The following CHL1 variants were observed in gnomAD, a reference collection of about 807,000 sequenced individuals.
CHL1 encodes neural cell adhesion molecule L1-like protein.
CHL1 carries 96 observed loss-of-function variants against 141.9 expected under a neutral mutation model. That is an observed-to-expected ratio of 0.68 (90% CI 0.57 to 0.80). The LOEUF (loss-of-function observed/expected upper bound fraction) is 0.80. CHL1 is among the 30% of genes least tolerant of loss of function. The pLI is 0.00. For missense variants in CHL1, 1,820 were observed against 1,457.2 expected (o/e 1.25, Z -4.05); for synonymous variants, 613 against 502.2 (o/e 1.22, Z -2.95).
intron 10 of CHL1, among the ~76,000 whole-genome samples, chr3:351,035 AT>A (rs1194807266): frequency 6.6e-6 from 1 of 152,056 alleles, no homozygotes; most frequent in Non-Finnish European, 1.5e-5. Context: ...GACATATCTA[AT>A]TGTTAGATTC....
At chr3:205,234 C>T (rs1403474193) in intron 1 of CHL1, among the ~76,000 whole-genome samples, 3 of 151,968 alleles carry the variant, frequency 2.0e-5, no homozygotes, top group Admixed American at 6.6e-5. Context: ...CCTCAGCCTC[C>T]CAAAGTGCTG....
At chr3:359,259 C>T (rs1337267382) in intron 11 of CHL1, among the ~76,000 whole-genome samples, 1 of 151,782 alleles carries the variant, frequency 6.6e-6, no homozygotes, top group Non-Finnish European at 1.5e-5. Context: ...AGTTTTTGGT[C>T]CTTAAATGCA....
chr3:361,323 T>A (rs886570512), intron 12 of CHL1, among the ~76,000 whole-genome samples: 2 of 141,648 alleles, frequency 1.4e-5, no homozygotes, highest in African/African-American at 5.2e-5. Context: ...AAGGACTTCA[T>A]GTCTAAAACA....
chr3:340,842 A>G lies in CHL1; in HGVS notation c.434A>G (p.Glu145Gly). ...KEKIDPLEVE[E>G]GDPIVLPCNP... is the part of the protein sequence containing the mutation. ...AAAATTGACCCTCTTGAAGTGGAGGAGGGAGATCCAATTGTCCTCCCATGC... is the reference window on the plus strand; with the variant it reads ...AAAATTGACCCTCTTGAAGTGGAGGGGGGAGATCCAATTGTCCTCCCATGC... The change falls in exon 6 of 28, where the codon GAG (glutamate) becomes GGG (glycine). Residue 145 changes from glutamate to glycine, a missense_variant. Coordinates refer to ENST00000256509, the MANE Select transcript of CHL1 (RefSeq NM_006614.4). 1 of 1,611,128 alleles carries G rather than the reference A, an allele frequency of 6.2e-7. No homozygotes were observed. Among genetic ancestry groups the G allele is most frequent in the African/African-American group, 1.3e-5 (1 of 74,954 alleles).
rs1706538745 is a variant in CHL1 at position 377,908 on chromosome 3, C to G, written c.1842C>G (p.Asp614Glu). The change falls in exon 16 of 28, where the codon GAC becomes GAG. Residue 614 changes from aspartate (D) to glutamate (E), a missense_variant. By Grantham distance (45) the Asp-to-Glu change is conservative. Transcript: ENST00000256509. ...GCTGTTCAGCTCATACTGCTCTAGA[C>G]AGTGCTGCCGATATAACTCAAGTAA... Reference protein sequence around the residue: ...IYCCSAHTALDSAADITQVTV... With the variant: ...IYCCSAHTALESAADITQVTV... The G allele has an allele frequency of 2.5e-6, 4 of 1,612,462 alleles. No homozygotes were observed. The highest frequency in any genetic ancestry group is 3.4e-6 in the Non-Finnish European group (4 of 1,179,278).
chr3:307,489 G>C (rs1222758718), intron 2 of CHL1, among the ~76,000 whole-genome samples: 1 of 152,118 alleles, frequency 6.6e-6, no homozygotes, highest in Non-Finnish European at 1.5e-5. Context: ...TTTTCGATTG[G>C]AGTCATAGGA....
intron 2 of CHL1, among the ~76,000 whole-genome samples, chr3:260,263 C>G (rs1419360029): frequency 2.0e-5 from 3 of 151,344 alleles, no homozygotes; most frequent in Non-Finnish European, 4.4e-5. Flanking sequence ...AACTCTGTCT[C>G]AAATAAATAA....
chr3:374,683 A>G (rs1460225224), intron 15 of CHL1, among the ~76,000 whole-genome samples: 2 of 152,204 alleles, frequency 1.3e-5, no homozygotes, highest in Non-Finnish European at 1.5e-5. Flanking sequence ...ACCTTAGCTC[A>G]GAAGAGGCCC....
chr3:407,129 AC>A lies in CHL1; in HGVS notation c.*1419del, dbSNP rs1283016005. The A allele has an allele frequency of 4.6e-5, 7 of 152,272 alleles. No individual in the cohort carries two copies. The East Asian group carries it at 1.4e-3, about 29-fold the overall frequency. 9.4% of individuals were successfully genotyped at this position (152,272 alleles called of 1,614,324 possible). ...AGAAACAATATGGAGGATGATGCAT[AC>A]ATGTCGGTCAAGTTCAGCGCTCGAC... is the stretch of plus-strand genomic sequence containing the variant. On this transcript the variant is annotated 3_prime_UTR_variant, in exon 28 of 28. Coordinates refer to ENST00000256509, the MANE Select transcript of CHL1 (RefSeq NM_006614.4).
intron 2 of CHL1, chr3:247,185 A>G (rs1693249689): frequency 6.6e-6 from 1 of 151,846 alleles, no homozygotes. Context: ...ATGACACACA[A>G]ATCTACTGCT....
rs115918109 is a variant in CHL1 at position 335,934 on chromosome 3, G to T, written c.386-4860G>T. On this transcript the variant is annotated intron_variant, in intron 5 of 27. Transcript: ENST00000256509. Reference sequence around the variant, plus strand: ...GTGAAAATATTTGAGGAGTAGCCAAGATGTATTGAATAATTTTTAAGTGCT... The same window carrying T: ...GTGAAAATATTTGAGGAGTAGCCAATATGTATTGAATAATTTTTAAGTGCT... 2.4e-3 allele frequency among the ~76,000 whole-genome samples: 370 copies of T among 152,310 alleles called. 4 individuals carry two copies. The highest frequency in any genetic ancestry group is 8.3e-3 in the African/African-American group (344 of 41,570).
intron 15 of CHL1, among the ~76,000 whole-genome samples, chr3:371,567 A>T (rs143743818): frequency 1.3e-5 from 2 of 152,310 alleles, no homozygotes; most frequent in African/African-American, 4.8e-5. Context: ...CTGATTTGCC[A>T]GTCTGTGACT....
intron 3 of CHL1, among the ~76,000 whole-genome samples, chr3:322,538 T>A (rs1377327164): frequency 6.6e-6 from 1 of 150,392 alleles, no homozygotes; most frequent in Non-Finnish European, 1.5e-5. Context: ...CTGGGCGTGG[T>A]GTCTCATGCC....
intron 2 of CHL1, among the ~76,000 whole-genome samples, chr3:315,771 G>T (rs898653569): frequency 6.6e-6 from 1 of 152,084 alleles, no homozygotes; most frequent in African/African-American, 2.4e-5. Flanking sequence ...CGACTGCATT[G>T]TCTGGGGTAA....
At chr3:229,371 T>C (rs1701666072) in intron 1 of CHL1, among the ~76,000 whole-genome samples, 1 of 152,198 alleles carries the variant, frequency 6.6e-6, no homozygotes, top group South Asian at 2.1e-4. Flanking sequence ...CATGCCCCCG[T>C]TGATAAGTTG....
intron 16 of CHL1, among the ~76,000 whole-genome samples, chr3:379,523 A>G (rs1706763569): frequency 6.6e-6 from 1 of 152,090 alleles, no homozygotes; most frequent in Non-Finnish European, 1.5e-5. Context: ...TAGAGGGGTA[A>G]GTGTCAGGCT....
At chr3:257,609 CCCT>C in intron 2 of CHL1, among the ~76,000 whole-genome samples, 1 of 152,202 alleles carries the variant, frequency 6.6e-6, no homozygotes, top group East Asian at 1.9e-4. Context: ...GCCTCGGCCT[CCCT>C]AAGTGCTGGG....
chr3:344,742 C>T (rs1033819340), intron 9 of CHL1, 33 bp downstream of exon 9: 7 of 1,604,718 alleles, frequency 4.4e-6, no homozygotes, highest in African/African-American at 4.0e-5. Flanking sequence ...ATGACTTTGT[C>T]CATCCAGTTC....
chr3:364,853 G>C (rs1298877894), intron 14 of CHL1, among the ~76,000 whole-genome samples: 1 of 152,118 alleles, frequency 6.6e-6, no homozygotes, highest in African/African-American at 2.4e-5. Context: ...TATTCATAAA[G>C]TTGTTATAAT....
Sources: allele counts gnomAD v4.1 joint callset (sites outside exome capture counted in the v4.1 genomes callset), GRCh38; gene constraint gnomAD v4.1.1; transcripts MANE v1.5; gene names NCBI Gene and HGNC (gene_info 2026-07-23, HGNC 2026-07-21).